Variants in ATP2C2 observed in about 807,000 individuals in gnomAD.
ATP2C2 encodes calcium-transporting ATPase type 2C member 2.
Under a neutral mutation model 110.8 loss-of-function variants are expected in ATP2C2, and 171 were observed. That is an observed-to-expected ratio of 1.54 (90% CI 1.36 to 1.75). The LOEUF is 1.75. Ranked by LOEUF, ATP2C2 falls within the 40% of genes most tolerant of loss-of-function variation. ATP2C2 has a pLI of 0.00. For missense variants in ATP2C2, 1,963 were observed against 1,235.0 expected (o/e 1.59, Z -8.84); for synonymous variants, 804 against 508.4 (o/e 1.58, Z -7.82).
rs1459259759 is a variant in ATP2C2 at position 84,463,896 on chromosome 16, G to A, written c.*164G>A. The A allele has an allele frequency of 4.6e-6, 3 of 646,322 alleles. No individual in the cohort carries two copies. The highest frequency in any genetic ancestry group is 8.1e-6 in the Non-Finnish European group (3 of 370,632). The allele number at this position is 646,322 out of a possible 1,614,324, so 40.0% of individuals were successfully genotyped here. ...CTGCAGGAACCTCGTGGGCTCCAGG[G>A]ACCCAGGCCCACATCCATCCAGCGT... On this transcript the variant is annotated 3_prime_UTR_variant, in exon 27 of 27. Transcript: ENST00000262429.
chr16:84,445,951 C>T (rs1270000288), intron 15 of ATP2C2, among the ~76,000 whole-genome samples: 4 of 152,122 alleles, frequency 2.6e-5, no homozygotes, highest in African/African-American at 7.2e-5. Flanking sequence ...AGGCTGTGGA[C>T]GGGGGGCTGG....
At chr16:84,408,534 C>G (rs758444393) in intron 4 of ATP2C2, 40 bp downstream of exon 4, 3 of 1,527,036 alleles carry the variant, frequency 2.0e-6, no homozygotes, top group Non-Finnish European at 2.7e-6. Context: ...GGCGGGCAGC[C>G]ACAGGTCTGC....
intron 1 of ATP2C2, among the ~76,000 whole-genome samples, chr16:84,396,708 C>T (rs1034157594): frequency 2.6e-5 from 4 of 151,792 alleles, no homozygotes; most frequent in East Asian, 1.9e-4. Flanking sequence ...TTTGGTACGA[C>T]GGGAGCAGAT....
intron 6 of ATP2C2, among the ~76,000 whole-genome samples, chr16:84,414,877 A>C (rs1906694692): frequency 6.6e-6 from 1 of 151,886 alleles, no homozygotes; most frequent in Non-Finnish European, 1.5e-5. Flanking sequence ...GGGGGTTGGG[A>C]TCTGGTTTGG....
chr16:84,417,246 T>C (rs1597797968), intron 7 of ATP2C2, among the ~76,000 whole-genome samples: 1 of 151,912 alleles, frequency 6.6e-6, no homozygotes, highest in African/African-American at 2.4e-5. Context: ...GAGAGGCAGG[T>C]GTGGGGGCTG....
chr16:84,448,254 C>T (rs1487922797), intron 16 of ATP2C2, among the ~76,000 whole-genome samples: 11 of 149,676 alleles, frequency 7.3e-5, no homozygotes, highest in Admixed American at 4.0e-4. Context: ...ACATACAAGA[C>T]GCTCTGAGTG....
intron 11 of ATP2C2, among the ~76,000 whole-genome samples, chr16:84,430,430 T>G (rs948593572): frequency 4.6e-5 from 7 of 151,946 alleles, no homozygotes; most frequent in Admixed American, 3.9e-4. Flanking sequence ...CACTTGAGGT[T>G]AGGAGTTTAA....
intron 1 of ATP2C2, among the ~76,000 whole-genome samples, chr16:84,378,250 C>T (rs958577): frequency 0.14 from 21,995 of 152,178 alleles, 1,912 homozygotes; most frequent in Non-Finnish European, 0.19. Flanking sequence ...GGGCTCTGGG[C>T]GTAGGGGAAG....
At chr16:84,443,501 C>T (rs530152870) in intron 15 of ATP2C2, among the ~76,000 whole-genome samples, 36 of 152,334 alleles carry the variant, frequency 2.4e-4, no homozygotes, top group African/African-American at 8.4e-4. Context: ...GGACCCCTCG[C>T]TGCCGCCGAG....
intron 1 of ATP2C2, among the ~76,000 whole-genome samples, chr16:84,374,560 CT>C (rs1161265146): frequency 6.6e-6 from 1 of 151,986 alleles, no homozygotes; most frequent in African/African-American, 2.4e-5. Flanking sequence ...ATGTCACAAG[CT>C]TTTTTTTAAT....
chr16:84,439,311 G>C (rs980304486), intron 12 of ATP2C2, 21 bp downstream of exon 12: 4 of 1,613,458 alleles, frequency 2.5e-6, no homozygotes, highest in Non-Finnish European at 3.4e-6. Context: ...CCAGCTGGTG[G>C]AATCCTTACA....
At chr16:84,383,760 T>TGTGTGTGTGTGTGTGTGTGTG (rs1246366949) in intron 1 of ATP2C2, among the ~76,000 whole-genome samples, 1 of 146,206 alleles carries the variant, frequency 6.8e-6, no homozygotes, top group African/African-American at 2.5e-5. Flanking sequence ...TATGTGTGTG[T>TGTGTGTGTGTGTGTGTGTGTG]TGGGGGTGGG....
At chr16:84,435,998 A>C (rs1908702805) in intron 11 of ATP2C2, among the ~76,000 whole-genome samples, 1 of 152,004 alleles carries the variant, frequency 6.6e-6, no homozygotes, top group Non-Finnish European at 1.5e-5. Flanking sequence ...GTGTGGTGGC[A>C]CATGCCTGTA....
intron 2 of ATP2C2, among the ~76,000 whole-genome samples, chr16:84,399,700 A>G (rs1406523738): frequency 1.3e-5 from 2 of 152,200 alleles, no homozygotes; most frequent in Admixed American, 1.3e-4. Flanking sequence ...GGCATACGCT[A>G]TAATAATCAC....
intron 1 of ATP2C2, among the ~76,000 whole-genome samples, chr16:84,397,613 G>A (rs1250915209): frequency 7.8e-6 from 1 of 128,634 alleles, no homozygotes; most frequent in Non-Finnish European, 1.6e-5. Context: ...GGTTGAGGCT[G>A]CAGTGAGCTA....
intron 1 of ATP2C2, among the ~76,000 whole-genome samples, chr16:84,394,694 C>T (rs1301004249): frequency 6.6e-6 from 1 of 152,098 alleles, no homozygotes; most frequent in Non-Finnish European, 1.5e-5. Context: ...CCATCATGGC[C>T]AGCAATCCCC....
intron 14 of ATP2C2, among the ~76,000 whole-genome samples, chr16:84,442,112 A>C (rs760456280): frequency 6.6e-6 from 1 of 152,132 alleles, no homozygotes; most frequent in Non-Finnish European, 1.5e-5. Context: ...TTGAGGTAGA[A>C]GTCATCTACC....
At chr16:84,428,146 G>C (rs1597816938) in intron 11 of ATP2C2, among the ~76,000 whole-genome samples, 2 of 152,222 alleles carry the variant, frequency 1.3e-5, no homozygotes, top group Non-Finnish European at 2.9e-5. Context: ...CTGGGACACA[G>C]AGGTTTGTCC....
chr16:84,392,635 A>T (rs1385556651), intron 1 of ATP2C2, among the ~76,000 whole-genome samples: 5 of 151,978 alleles, frequency 3.3e-5, no homozygotes, highest in African/African-American at 4.8e-5. Context: ...GCTAATTCTT[A>T]TATTTTTAGT....
Sources: allele counts gnomAD v4.1 joint callset (sites outside exome capture counted in the v4.1 genomes callset), GRCh38; gene constraint gnomAD v4.1.1; transcripts MANE v1.5; gene names NCBI Gene and HGNC (gene_info 2026-07-23, HGNC 2026-07-21).